The following GOLGA6L7 variants were observed in gnomAD, a reference collection of about 807,000 sequenced individuals.
The protein encoded by GOLGA6L7 is golgin subfamily A member 6-like protein 7.
A neutral mutation model predicts 68.9 loss-of-function variants in GOLGA6L7; 29 were observed. The observed-to-expected ratio is 0.42, with a 90% CI of 0.31 to 0.57. The LOEUF is 0.57. GOLGA6L7 is among the 20% of genes least tolerant of loss of function. The pLI is 0.13. For missense variants in GOLGA6L7, 396 were observed against 588.4 expected (o/e 0.67, Z 3.38); for synonymous variants, 133 against 197.4 (o/e 0.67, Z 2.73).
Position 28,842,417 on chromosome 15 carries a change from C to T in GOLGA6L7, c.1687G>A (p.Gly563Ser), listed in dbSNP as rs1180536954. The change falls in exon 9 of 9, where the codon GGC (glycine) becomes AGC (serine). Residue 563 changes from glycine to serine, a missense_variant. Around this residue, in one of 5 missense-constraint regions of GOLGA6L7, gnomAD observed 125 missense variants for 163.3 expected, o/e 0.77. Transcript: ENST00000567390. Reference sequence around the variant, plus strand: ...GCCTCTCGTGCAGGCTCCAGGCTGCCAGGGTGGCTCATATCAGAAGGATAT... The same window carrying T: ...GCCTCTCGTGCAGGCTCCAGGCTGCTAGGGTGGCTCATATCAGAAGGATAT... The part of the protein sequence containing the change: ...SKYPSDMSHP[G>S]SLEPAREAGK... 1.6e-5 allele frequency: 19 copies of T among 1,164,032 alleles called. No homozygotes were observed. The highest frequency in any genetic ancestry group is 2.1e-5 in the Non-Finnish European group (19 of 921,248). The allele number at this position is 1,164,032 out of a possible 1,614,324, so 72.1% of individuals were successfully genotyped here. A position where few individuals can be genotyped will look rare whatever the true frequency, so the allele number is the denominator to read the frequency against.
chr15:28,842,314 C>T lies in GOLGA6L7; in HGVS notation c.1790G>A (p.Arg597His), dbSNP rs558204184. 68 of 1,230,802 alleles carry T rather than the reference C, an allele frequency of 5.5e-5. No individual in the cohort carries two copies. In the African/African-American group the frequency reaches 7.8e-4, roughly 14 times the overall value. 76.2% of individuals were successfully genotyped at this position (1,230,802 alleles called of 1,614,324 possible). Residue 597 changes from arginine (R) to histidine (H), a missense_variant, in exon 9 of 9, where the codon CGC becomes CAC. Around this residue, in one of 5 missense-constraint regions of GOLGA6L7, gnomAD observed 125 missense variants for 163.3 expected, o/e 0.77. Coordinates refer to ENST00000567390, the MANE Select transcript of GOLGA6L7 (RefSeq NM_001365371.2). ...LPPGMKNAQE[R>H]PGLGSTSCIP... ...GCAGGAGGTGCTGCCTAAGCCTGGG[C>T]GCTCCTGGGCGTTCTTCATTCCAGG...
At chr15:28,845,163 C>CACGT (rs1410021046) in intron 6 of GOLGA6L7, 1 of 378,698 alleles carries the variant, frequency 2.6e-6, no homozygotes, top group South Asian at 2.1e-5. Context: ...CACACACACA[C>CACGT]ACGTACATGT....
chr15:28,841,949 A>ATTT lies in GOLGA6L7; in HGVS notation c.*283_*285dup. On this transcript the variant is annotated 3_prime_UTR_variant, in exon 9 of 9. Coordinates refer to ENST00000567390, the MANE Select transcript of GOLGA6L7 (RefSeq NM_001365371.2). ...ATAGATATTAGAGTCCTCAGGTAGAATTTTTTTTTTTTTTTTTGAAATGGG... is the reference window on the plus strand; with the variant it reads ...ATAGATATTAGAGTCCTCAGGTAGAATTTTTTTTTTTTTTTTTTTTGAAATGGG... 5.8e-6 allele frequency: 1 copy of ATTT among 172,458 alleles called. No homozygotes were observed. Among genetic ancestry groups the ATTT allele is most frequent in the Non-Finnish European group, 1.2e-5 (1 of 86,928 alleles). 10.7% of individuals were successfully genotyped at this position (172,458 alleles called of 1,614,324 possible). A position where few individuals can be genotyped will look rare whatever the true frequency, so the allele number is the denominator to read the frequency against.
chr15:28,846,068 G>A, intron 3 of GOLGA6L7, 118 bp from the exon 4 acceptor site: 2 of 776,220 alleles, frequency 2.6e-6, no homozygotes, highest in East Asian at 5.3e-5. Flanking sequence ...ATGGGACCAG[G>A]TTATCAGGGA....
chr15:28,847,331 T>G, intron 1 of GOLGA6L7, 139 bp from the exon 2 acceptor site: 1 of 517,910 alleles, frequency 1.9e-6, no homozygotes, highest in South Asian at 2.6e-5. Context: ...AATCACTTAG[T>G]GACTGAGAGG....
At chr15:28,845,396 G>A (rs1002391423) in intron 6 of GOLGA6L7, 133 bp downstream of exon 6, 21 of 697,678 alleles carry the variant, frequency 3.0e-5, no homozygotes, top group Non-Finnish European at 4.2e-5. Context: ...TAACAACCAC[G>A]CACAAAAGCA....
intron 1 of GOLGA6L7, among the ~76,000 whole-genome samples, chr15:28,847,826 A>G (rs2030495048): frequency 6.6e-6 from 1 of 152,234 alleles, no homozygotes; most frequent in Non-Finnish European, 1.5e-5. Flanking sequence ...AAGATGAGCA[A>G]ATCTCACTTC....
rs1370194105 is a variant in GOLGA6L7, at chr15:28,844,693, A to G, written c.463-430T>C. 3.9e-5 allele frequency among the ~76,000 whole-genome samples: 6 copies of G among 151,946 alleles called. No homozygotes were observed. The East Asian group carries it at 1.2e-3, about 29-fold the overall frequency. ...CAGGGGCCCAGAGCGATCAGATAAT[A>G]TTGTTATTGCTATTACTGTTATTAT... On this transcript the variant is annotated intron_variant, in intron 6 of 8. Transcript: ENST00000567390.
At position 28,845,756 on chromosome 15, in the gene GOLGA6L7, G is replaced by A. The variant is rs779480707; in HGVS notation, c.317C>T (p.Ala106Val). Residue 106 changes from alanine (A) to valine (V), a missense_variant, in exon 5 of 9, where the codon GCG (alanine) becomes GTG (valine). Ala to Val is a moderately conservative substitution (Grantham distance 64). Transcript: ENST00000567390. ...GGCAGCATCCTGGCTGTCATGGAGC[G>A]CTGTCTCCAGTTCAGTTTTCTGACA... ...LMCQKTELET[A>V]LHDSQDAARK... The A allele has an allele frequency of 1.0e-5, 8 of 784,272 alleles. No homozygotes were observed. The highest frequency in any genetic ancestry group is 5.5e-5 in the South Asian group (4 of 72,742). The allele number at this position is 784,272 out of a possible 1,614,324, so 48.6% of individuals were successfully genotyped here.
At chr15:28,846,017 T>C in intron 3 of GOLGA6L7, 67 bp from the exon 4 acceptor site, 3 of 905,792 alleles carry the variant, frequency 3.3e-6, no homozygotes, top group Non-Finnish European at 5.4e-6. Context: ...GCAAGAGACA[T>C]GCCCCCAGAA....
At chr15:28,845,442 A>G (rs1390527589) in intron 6 of GOLGA6L7, 87 bp downstream of exon 6, 8 of 700,304 alleles carry the variant, frequency 1.1e-5, no homozygotes, top group Non-Finnish European at 1.0e-5. Context: ...TGGGCAGGAC[A>G]CTGCATCCTG....
At chr15:28,846,328 G>T in intron 2 of GOLGA6L7, 79 bp from the exon 3 acceptor site, 1 of 732,154 alleles carries the variant, frequency 1.4e-6, no homozygotes, top group Admixed American at 1.9e-5. Context: ...GTAGGCAGGG[G>T]TCAGGAATGG....
chr15:28,846,091 G>A (rs1239341603), intron 3 of GOLGA6L7, 129 bp downstream of exon 3: 3 of 737,128 alleles, frequency 4.1e-6, no homozygotes, highest in African/African-American at 3.5e-5. Context: ...CTGTGGGGAT[G>A]GGGTGGAAGC....
intron 1 of GOLGA6L7, 55 bp from the exon 2 acceptor site, chr15:28,847,247 T>C: frequency 9.4e-7 from 1 of 1,060,742 alleles, no homozygotes; most frequent in Non-Finnish European, 1.3e-6. Context: ...CTACAGTCAC[T>C]TTACAGTTTA....
chr15:28,846,390 T>C (rs2671072), intron 2 of GOLGA6L7, 141 bp from the exon 3 acceptor site: 6 of 517,596 alleles, frequency 1.2e-5, no homozygotes, highest in Admixed American at 3.0e-5. Context: ...TGGTCAACTT[T>C]CCTTAACGCC....
In GOLGA6L7 at chr15:28,848,480, G is replaced by A. The variant is rs1595359263; in HGVS notation, c.51+19C>T. ...GGGGCTGGGTTGGGGTTGGGGTGCT[G>A]CAATCCGATGCGTTTTACCTTTTTC... On this transcript the variant is annotated intron_variant, in intron 1 of 8. Coordinates refer to ENST00000567390, the MANE Select transcript of GOLGA6L7 (RefSeq NM_001365371.2). 2 of 699,748 alleles carry A rather than the reference G, an allele frequency of 2.9e-6. No homozygotes were observed. Among genetic ancestry groups the A allele is most frequent in the Non-Finnish European group, 5.2e-6 (2 of 383,334 alleles). The allele number at this position is 699,748 out of a possible 1,614,324, so 43.3% of individuals were successfully genotyped here. A position where few individuals can be genotyped will look rare whatever the true frequency, so the allele number is the denominator to read the frequency against.
At chr15:28,844,523 C>G (rs1394855535) in intron 6 of GOLGA6L7, among the ~76,000 whole-genome samples, 1 of 150,700 alleles carries the variant, frequency 6.6e-6, no homozygotes, top group East Asian at 2.0e-4. Flanking sequence ...CTCCGCCTCC[C>G]GGCTTCAAGC....
In GOLGA6L7 at chr15:28,842,069, G is replaced by A. The variant is rs529006513; in HGVS notation, c.*166C>T. 38 of 465,264 alleles carry A rather than the reference G, an allele frequency of 8.2e-5. No individual in the cohort carries two copies. Among genetic ancestry groups the A allele is most frequent in the South Asian group, 1.2e-4 (1 of 8,628 alleles). The allele number at this position is 465,264 out of a possible 1,614,324, so 28.8% of individuals were successfully genotyped here. ...CGTAGCTGGGATTGGTGATCCACCC[G>A]CCTAGGCCTCCCAAAGTGGTGTGAT... is the stretch of plus-strand genomic sequence containing the variant. On this transcript the variant is annotated 3_prime_UTR_variant, in exon 9 of 9. Transcript: ENST00000567390.
At chr15:28,845,163 C>CACACACACGT (rs1448161701) in intron 6 of GOLGA6L7, 1 of 378,698 alleles carries the variant, frequency 2.6e-6, no homozygotes. Context: ...CACACACACA[C>CACACACACGT]ACGTACATGT....
Sources: allele counts gnomAD v4.1 joint callset (sites outside exome capture counted in the v4.1 genomes callset), GRCh38; gene constraint gnomAD v4.1.1; regional missense constraint gnomAD v4.1.1; transcripts MANE v1.5; gene names NCBI Gene and HGNC (gene_info 2026-07-23, HGNC 2026-07-21).